The following PBLD variants were observed in gnomAD, a reference collection of about 807,000 sequenced individuals.
PBLD encodes phenazine biosynthesis-like domain-containing protein.
PBLD carries 26 observed loss-of-function variants against 31.3 expected under a neutral mutation model. The ratio of observed to expected loss-of-function variants is 0.83; its 90% CI spans 0.61 to 1.15. The LOEUF is 1.15. PBLD is among the 50% of genes most tolerant of loss of function. The probability of loss-of-function intolerance (pLI) is 0.00; values close to 1 mark genes in which losing one functional copy is unlikely to be tolerated. For missense variants in PBLD, 307 were observed against 351.7 expected (o/e 0.87, Z 1.02); for synonymous variants, 114 against 129.0 (o/e 0.88, Z 0.79).
chr10:68,323,582 T>C (rs1418940892), intron 1 of PBLD, among the ~76,000 whole-genome samples: 1 of 152,100 alleles, frequency 6.6e-6, no homozygotes, highest in Non-Finnish European at 1.5e-5. Flanking sequence ...AAAGAGATCC[T>C]GGGCTAGAAG....
At chr10:68,319,053 G>GAAAGAAAGAAAGAAAGAA (rs1554860579) in intron 1 of PBLD, among the ~76,000 whole-genome samples, 1 of 98,836 alleles carries the variant, frequency 1.0e-5, no homozygotes, top group African/African-American at 4.4e-5. Context: ...AAGAAAGAGA[G>GAAAGAAAGAAAGAAAGAA]AGAAAGAAAG....
Position 68,296,983 on chromosome 10 carries a change from T to G in PBLD, c.87A>C (p.Glu29Asp). ...TTTTCTGATGCATGTCTTCATCCAA[T>G]TCCTTAATTAGAAACAGACGATCAT... ...NPAAVCLLENELDEDMHQKIA... is the reference protein window; with the variant it reads ...NPAAVCLLENDLDEDMHQKIA... Residue 29 changes from glutamate (E) to aspartate (D), a missense_variant and splice_region_variant, in exon 3 of 10, where the codon GAA (glutamate) becomes GAC (aspartate). Transcript: ENST00000358769. 2 of 1,609,344 alleles carry G rather than the reference T, an allele frequency of 1.2e-6. No individual in the cohort carries two copies.
chr10:68,331,004 C>G (rs577588372), intron 1 of PBLD, among the ~76,000 whole-genome samples: 1 of 152,108 alleles, frequency 6.6e-6, no homozygotes, highest in East Asian at 1.9e-4. Context: ...CTCGGGAGTC[C>G]CATCTACTCC....
intron 1 of PBLD, among the ~76,000 whole-genome samples, chr10:68,307,798 C>T (rs1036313560): frequency 2.0e-5 from 3 of 152,148 alleles, no homozygotes; most frequent in Non-Finnish European, 1.5e-5. Context: ...CGCACCCGGC[C>T]GCTTAAGCTC....
intron 4 of PBLD, among the ~76,000 whole-genome samples, chr10:68,294,764 G>A (rs1481765878): frequency 6.6e-6 from 1 of 152,108 alleles, no homozygotes; most frequent in African/African-American, 2.4e-5. Context: ...GTCTCGCTCT[G>A]TCGCCCAGGC....
intron 1 of PBLD, chr10:68,332,151 C>G (rs895849659): frequency 2.0e-5 from 3 of 152,280 alleles, no homozygotes; most frequent in Non-Finnish European, 4.4e-5. Flanking sequence ...ACGAGGCAAA[C>G]GACTTCTCCC....
chr10:68,329,698 G>A (rs921762070), intron 1 of PBLD, among the ~76,000 whole-genome samples: 7 of 152,128 alleles, frequency 4.6e-5, no homozygotes, highest in East Asian at 1.9e-4. Flanking sequence ...TTTCAGGCCT[G>A]TTCAAAAAGT....
chr10:68,304,258 T>C (rs2044547216), intron 2 of PBLD, among the ~76,000 whole-genome samples: 1 of 152,170 alleles, frequency 6.6e-6, no homozygotes. Context: ...GATAAGATTC[T>C]CACATCCAAA....
intron 2 of PBLD, among the ~76,000 whole-genome samples, chr10:68,302,013 C>T (rs1378901691): frequency 6.6e-6 from 1 of 152,206 alleles, no homozygotes; most frequent in Admixed American, 6.5e-5. Context: ...TGAATTTCTA[C>T]ACTGCAACCA....
chr10:68,285,491 C>T, intron 8 of PBLD, 81 bp from the exon 9 acceptor site: 1 of 1,522,930 alleles, frequency 6.6e-7, no homozygotes, highest in South Asian at 1.3e-5. Flanking sequence ...CAATTACAAT[C>T]AATTATCCAG....
chr10:68,284,505 A>G (rs2044263697), intron 9 of PBLD, among the ~76,000 whole-genome samples: 1 of 152,110 alleles, frequency 6.6e-6, no homozygotes, highest in African/African-American at 2.4e-5. Flanking sequence ...ACAGCTCCAC[A>G]TACTCCCTTC....
chr10:68,319,057 A>AAGAAAGAAAGAAAGAGAG (rs1564737397), intron 1 of PBLD, among the ~76,000 whole-genome samples: 1 of 59,736 alleles, frequency 1.7e-5, no homozygotes, highest in African/African-American at 9.0e-5. Flanking sequence ...AAGAGAGAGA[A>AAGAAAGAAAGAAAGAGAG]AGAAAGAAAG....
chr10:68,292,014 A>T lies in PBLD; in HGVS notation c.419T>A (p.Ile140Lys), dbSNP rs548584505. Reference protein sequence around the residue: ...PQDFHEVEDLIKTAIGNTLVQ... With the variant: ...PQDFHEVEDLKKTAIGNTLVQ... ...GGTTTGATTCTTTTTACCAACCTTT[A>T]TCAAGTCCTCTACTTCATGGAAGTC... Residue 140 changes from isoleucine to lysine, a missense_variant, in exon 6 of 10, where the codon ATA (isoleucine) becomes AAA (lysine). Coordinates refer to ENST00000358769, the MANE Select transcript of PBLD (RefSeq NM_022129.4). 5.0e-6 allele frequency: 8 copies of T among 1,586,036 alleles called. No homozygotes were observed. The highest frequency in any genetic ancestry group is 6.9e-6 in the Non-Finnish European group (8 of 1,154,424).
intron 2 of PBLD, among the ~76,000 whole-genome samples, chr10:68,297,646 A>G (rs1464158530): frequency 1.3e-5 from 2 of 152,202 alleles, no homozygotes; most frequent in African/African-American, 4.8e-5. Flanking sequence ...GCACAGTAGG[A>G]GATCAGTAAA....
chr10:68,326,470 C>A (rs576284642), intron 1 of PBLD, among the ~76,000 whole-genome samples: 1 of 152,318 alleles, frequency 6.6e-6, no homozygotes, highest in South Asian at 2.1e-4. Flanking sequence ...CAGCACATTA[C>A]ATCGGAAATA....
intron 1 of PBLD, among the ~76,000 whole-genome samples, chr10:68,322,275 T>C (rs889654144): frequency 1.3e-5 from 2 of 152,086 alleles, no homozygotes; most frequent in African/African-American, 4.8e-5. Context: ...ATGACTAATG[T>C]AATGTGGTAT....
intron 6 of PBLD, among the ~76,000 whole-genome samples, chr10:68,290,666 A>G (rs10762209): frequency 0.97 from 147,723 of 152,038 alleles, 71,916 homozygotes; most frequent in Middle Eastern, 1. Context: ...GTGGTGAGCC[A>G]AGATCACACC....
intron 1 of PBLD, among the ~76,000 whole-genome samples, chr10:68,325,070 C>G (rs938778171): frequency 2.0e-5 from 3 of 151,848 alleles, no homozygotes; most frequent in East Asian, 1.9e-4. Context: ...ATGGTGAAAC[C>G]CTGTTTCTAC....
At chr10:68,312,342 A>T (rs1228945227) in intron 1 of PBLD, among the ~76,000 whole-genome samples, 1 of 152,042 alleles carries the variant, frequency 6.6e-6, no homozygotes, top group Non-Finnish European at 1.5e-5. Flanking sequence ...CCTCACCAAC[A>T]CTTGTTATCT....
Sources: allele counts gnomAD v4.1 joint callset (sites outside exome capture counted in the v4.1 genomes callset), GRCh38; gene constraint gnomAD v4.1.1; transcripts MANE v1.5; gene names NCBI Gene and HGNC (gene_info 2026-07-23, HGNC 2026-07-21).